GPR158: variants seen among roughly 807,000 people sequenced by gnomAD.
GPR158 encodes G protein-coupled receptor 158.
A neutral mutation model predicts 78.2 loss-of-function variants in GPR158; 30 were observed. The observed-to-expected ratio is 0.38, with a 90% CI of 0.29 to 0.52. GPR158 has a LOEUF of 0.52. GPR158 is among the 20% of genes least tolerant of loss of function. The probability of loss-of-function intolerance (pLI) is 0.83; values close to 1 mark genes in which losing one functional copy is unlikely to be tolerated. For synonymous variants in GPR158, 581 were observed against 591.1 expected (o/e 0.98, Z 0.25); for missense variants, 1,463 against 1,523.5 (o/e 0.96, Z 0.66).
intron 5 of GPR158, among the ~76,000 whole-genome samples, chr10:25,515,491 G>T (rs1836153628): frequency 1.4e-5 from 2 of 142,720 alleles, no homozygotes; most frequent in African/African-American, 5.2e-5. Context: ...CTAGCATTAG[G>T]TATATCTCCC....
chr10:25,238,638 T>A (rs1288023203), intron 2 of GPR158, among the ~76,000 whole-genome samples: 2 of 152,198 alleles, frequency 1.3e-5, no homozygotes, highest in African/African-American at 4.8e-5. Context: ...GGGGATTTAC[T>A]TTCTAGCTCG....
chr10:25,210,690 G>C (rs937081346), intron 1 of GPR158, among the ~76,000 whole-genome samples: 4 of 151,970 alleles, frequency 2.6e-5, no homozygotes, highest in African/African-American at 9.7e-5. Context: ...TATATCCTTT[G>C]CCCACTTCCT....
intron 5 of GPR158, among the ~76,000 whole-genome samples, chr10:25,529,268 T>A (rs1413838510): frequency 2.6e-5 from 4 of 152,006 alleles, no homozygotes; most frequent in Admixed American, 1.3e-4. Context: ...GCACCTGTAA[T>A]CCCAGCTACT....
chr10:25,489,397 T>G (rs558173481), intron 5 of GPR158, among the ~76,000 whole-genome samples: 1 of 152,308 alleles, frequency 6.6e-6, no homozygotes, highest in Admixed American at 6.5e-5. Flanking sequence ...CACGAAGCAG[T>G]GATGAGGTTT....
At chr10:25,498,853 C>T (rs1419511337) in intron 5 of GPR158, among the ~76,000 whole-genome samples, 6 of 152,138 alleles carry the variant, frequency 3.9e-5, no homozygotes, top group Non-Finnish European at 7.3e-5. Flanking sequence ...GATGGCACAG[C>T]TGTCGGATTT....
intron 2 of GPR158, among the ~76,000 whole-genome samples, chr10:25,230,812 C>T (rs2130694816): frequency 6.6e-6 from 1 of 152,244 alleles, no homozygotes; most frequent in Middle Eastern, 3.4e-3. Context: ...CACGGTTATT[C>T]AGTCACACCT....
chr10:25,346,711 C>T (rs1194770841), intron 2 of GPR158, among the ~76,000 whole-genome samples: 1 of 151,876 alleles, frequency 6.6e-6, no homozygotes, highest in East Asian at 1.9e-4. Context: ...ACAAAGAGTT[C>T]TCATTGAGAA....
chr10:25,389,178 G>A (rs1459077047), intron 2 of GPR158, among the ~76,000 whole-genome samples: 1 of 152,154 alleles, frequency 6.6e-6, no homozygotes, highest in East Asian at 1.9e-4. Context: ...GGGAGGTGGT[G>A]CCTTTTCCAG....
intron 4 of GPR158, among the ~76,000 whole-genome samples, chr10:25,448,726 C>T (rs1302317548): frequency 3.3e-5 from 5 of 152,172 alleles, no homozygotes; most frequent in Non-Finnish European, 5.9e-5. Flanking sequence ...TTTAAATTCC[C>T]ATTATCAATG....
intron 2 of GPR158, among the ~76,000 whole-genome samples, chr10:25,294,682 T>C (rs748968788): frequency 1.1e-4 from 16 of 152,200 alleles, no homozygotes; most frequent in Non-Finnish European, 2.1e-4. Flanking sequence ...TGGTAAAGTG[T>C]CAATGATTTG....
chr10:25,272,985 C>A (rs1854137100), intron 2 of GPR158, among the ~76,000 whole-genome samples: 1 of 152,022 alleles, frequency 6.6e-6, no homozygotes, highest in South Asian at 2.1e-4. Flanking sequence ...TGGAGGACAC[C>A]CTAAAGAAAC....
At chr10:25,461,856 C>A (rs182744890) in intron 4 of GPR158, among the ~76,000 whole-genome samples, 10 of 151,728 alleles carry the variant, frequency 6.6e-5, no homozygotes, top group Non-Finnish European at 1.3e-4. Flanking sequence ...CTCAGCCTCC[C>A]GAGTAGCTAG....
chr10:25,236,904 T>C (rs1335977692), intron 2 of GPR158, among the ~76,000 whole-genome samples: 1 of 152,230 alleles, frequency 6.6e-6, no homozygotes, highest in African/African-American at 2.4e-5. Context: ...TGAGTATTCA[T>C]ACAAATGTAT....
chr10:25,334,036 G>T lies in GPR158; in HGVS notation c.1009-61875G>T, dbSNP rs112221386. Among the ~76,000 whole-genome samples, 1,304 of 152,106 alleles carry T rather than the reference G, an allele frequency of 8.6e-3. 13 individuals carry two copies. Among genetic ancestry groups the T allele is most frequent in the Non-Finnish European group, 0.014 (928 of 67,964 alleles). On this transcript the variant is annotated intron_variant, in intron 2 of 10. Coordinates refer to ENST00000376351, the MANE Select transcript of GPR158 (RefSeq NM_020752.3). ...TACATTATAGTTCAAATATACTGTG[G>T]TTCTTTTAGAGAAAATGCATTAGTT...
chr10:25,455,746 TATTA>T (rs1237216444), intron 4 of GPR158, among the ~76,000 whole-genome samples: 1 of 152,220 alleles, frequency 6.6e-6, no homozygotes, highest in Non-Finnish European at 1.5e-5. Context: ...AATTGCAACA[TATTA>T]ATAATTCGCT....
intron 2 of GPR158, among the ~76,000 whole-genome samples, chr10:25,340,956 A>T (rs909914948): frequency 5.3e-5 from 8 of 151,646 alleles, no homozygotes; most frequent in Non-Finnish European, 2.9e-5. Flanking sequence ...ACCAAATACA[A>T]TTTTTTTTTA....
intron 5 of GPR158, among the ~76,000 whole-genome samples, chr10:25,503,852 TTA>T (rs1835974887): frequency 6.6e-6 from 1 of 152,092 alleles, no homozygotes; most frequent in African/African-American, 2.4e-5. Context: ...GTTTACTTAT[TTA>T]TAGTGTCCCC....
chr10:25,209,743 G>A (rs781491634), intron 1 of GPR158, among the ~76,000 whole-genome samples: 24 of 152,164 alleles, frequency 1.6e-4, no homozygotes, highest in Non-Finnish European at 3.1e-4. Flanking sequence ...AGTTTTAATT[G>A]TGTTAGAGGA....
At chr10:25,447,962 C>T (rs574604603) in intron 4 of GPR158, among the ~76,000 whole-genome samples, 6 of 152,288 alleles carry the variant, frequency 3.9e-5, no homozygotes, top group African/African-American at 1.4e-4. Flanking sequence ...CCACACCTCT[C>T]TCCACCCCTA....
Sources: allele counts gnomAD v4.1 joint callset (sites outside exome capture counted in the v4.1 genomes callset), GRCh38; gene constraint gnomAD v4.1.1; transcripts MANE v1.5; gene names NCBI Gene and HGNC (gene_info 2026-07-23, HGNC 2026-07-21).